The following AHCTF1 variants were observed in gnomAD, a reference collection of about 807,000 sequenced individuals.
AHCTF1 encodes the protein AT-hook containing transcription factor 1.
A neutral mutation model predicts 248.4 loss-of-function variants in AHCTF1; 24 were observed. The observed-to-expected ratio is 0.10, with a 90% CI of 0.07 to 0.14. AHCTF1 has a LOEUF of 0.14. AHCTF1 is among the 10% of genes least tolerant of loss of function. The pLI is 1.00. For synonymous variants in AHCTF1, 786 were observed against 929.8 expected (o/e 0.85, Z 2.81); for missense variants, 2,206 against 2,636.2 (o/e 0.84, Z 3.57).
At chr1:246,857,440 C>T (rs892925915) in intron 30 of AHCTF1, among the ~76,000 whole-genome samples, 1 of 152,172 alleles carries the variant, frequency 6.6e-6, no homozygotes, top group Admixed American at 6.5e-5. Flanking sequence ...AAATCTTGGT[C>T]TTCAACAAAA....
At chr1:246,888,047 G>T in intron 19 of AHCTF1, 130 bp downstream of exon 19, 1 of 956,058 alleles carries the variant, frequency 1.0e-6, no homozygotes, top group Non-Finnish European at 1.6e-6. Context: ...CAGATCCTGG[G>T]TTAACACCTC....
At chr1:246,862,817 C>T (rs924765751) in intron 27 of AHCTF1, among the ~76,000 whole-genome samples, 5 of 152,148 alleles carry the variant, frequency 3.3e-5, no homozygotes, top group Non-Finnish European at 7.4e-5. Context: ...TTTCGTCACA[C>T]GAATCCAATA....
rs759984160 is a variant in AHCTF1 at position 246,850,637 on chromosome 1, T to C, written c.5369A>G (p.Tyr1790Cys). ...CTGAGATAGTCCTCTGACATCAGAA[T>C]AGATGTTTTCAGAAGCTTCAGAAAT... Reference protein sequence around the residue: ...KEISEASENIYSDVRGLSQNQ... With the variant: ...KEISEASENICSDVRGLSQNQ... Residue 1790 changes from tyrosine (Y) to cysteine (C), a missense_variant, in exon 33 of 36, where the codon TAT (tyrosine) becomes TGT (cysteine). Around this residue, in one of 6 missense-constraint regions of AHCTF1, gnomAD observed 955 missense variants for 1,055.6 expected, o/e 0.90. Coordinates refer to ENST00000648844, the MANE Select transcript of AHCTF1 (RefSeq NM_001323342.2). The C allele has an allele frequency of 1.9e-6, 3 of 1,613,892 alleles. No homozygotes were observed. The highest frequency in any genetic ancestry group is 2.2e-5 in the East Asian group (1 of 44,886).
intron 8 of AHCTF1, among the ~76,000 whole-genome samples, chr1:246,901,259 T>A (rs909238344): frequency 9.2e-5 from 14 of 152,170 alleles, no homozygotes; most frequent in African/African-American, 2.9e-4. Context: ...GAGGATCGCT[T>A]GAACCTGGGA....
chr1:246,872,670 C>G (rs992307695), intron 24 of AHCTF1, among the ~76,000 whole-genome samples: 2 of 152,168 alleles, frequency 1.3e-5, no homozygotes, highest in Non-Finnish European at 2.9e-5. Flanking sequence ...CCAGGAAACT[C>G]AAAAACTGAC....
intron 27 of AHCTF1, 66 bp from the exon 28 acceptor site, chr1:246,862,219 G>A (rs1393755691): frequency 1.5e-5 from 19 of 1,262,414 alleles, no homozygotes; most frequent in African/African-American, 4.6e-5. Context: ...GGTGGCTCAC[G>A]CCTGTAATCC....
Position 246,868,813 on chromosome 1 carries a change from A to G in AHCTF1, c.3089-1002T>C, listed in dbSNP as rs144509730. On this transcript the variant is annotated intron_variant, in intron 24 of 35. Coordinates refer to ENST00000648844, the MANE Select transcript of AHCTF1 (RefSeq NM_001323342.2). ...AATGAGTACAGGTCTACCTCATTTT[A>G]TTGTGCTTTGCTTCATTGTGTGTGT... Among the ~76,000 whole-genome samples, 626 of 146,000 alleles carry G rather than the reference A, an allele frequency of 4.3e-3. 5 individuals carry two copies. Among genetic ancestry groups the G allele is most frequent in the Non-Finnish European group, 7.8e-3 (512 of 66,000 alleles).
At chr1:246,843,241 C>T (rs1392072969) in intron 34 of AHCTF1, among the ~76,000 whole-genome samples, 2 of 152,222 alleles carry the variant, frequency 1.3e-5, no homozygotes, top group Non-Finnish European at 1.5e-5. Flanking sequence ...GGAGGAATGC[C>T]TGTCTCCTCT....
rs918376855 is a variant in AHCTF1 at position 246,902,794 on chromosome 1, A to C, written c.967-119T>G. 3.1e-6 allele frequency: 3 copies of C among 964,360 alleles called. No homozygotes were observed. In the African/African-American group the frequency reaches 5.1e-5, roughly 16 times the overall value. The allele number at this position is 964,360 out of a possible 1,614,324, so 59.7% of individuals were successfully genotyped here. A position where few individuals can be genotyped will look rare whatever the true frequency, so the allele number is the denominator to read the frequency against. Reference sequence around the variant, plus strand: ...AATACAAAGAAAACAATTTAGACTGAAGAGAACCAATCATGGAAAAAGGCT... The same window carrying C: ...AATACAAAGAAAACAATTTAGACTGCAGAGAACCAATCATGGAAAAAGGCT... On this transcript the variant is annotated intron_variant, in intron 7 of 35. Transcript: ENST00000648844.
At chr1:246,931,270 G>C in intron 1 of AHCTF1, 5 of 1,548,698 alleles carry the variant, frequency 3.2e-6, no homozygotes, top group Middle Eastern at 1.7e-4. Flanking sequence ...CCGGCCGTCC[G>C]TAAAGGGACC....
intron 4 of AHCTF1, among the ~76,000 whole-genome samples, chr1:246,909,101 A>ATCTATCTG (rs1422151806): frequency 6.7e-6 from 1 of 150,010 alleles, no homozygotes; most frequent in Non-Finnish European, 1.5e-5. Context: ...CTATCTATCT[A>ATCTATCTG]TCTATCTATT....
At chr1:246,914,937 A>G (rs1038358494) in intron 3 of AHCTF1, among the ~76,000 whole-genome samples, 1 of 152,110 alleles carries the variant, frequency 6.6e-6, no homozygotes, top group South Asian at 2.1e-4. Context: ...GCTCCTCATC[A>G]TTATTTACCT....
chr1:246,843,980 A>AT (rs762826227), intron 33 of AHCTF1, 52 bp from the exon 34 acceptor site: 12 of 1,202,760 alleles, frequency 1.0e-5, no homozygotes, highest in Non-Finnish European at 1.3e-5. Flanking sequence ...GTGTGTATAT[A>AT]TATAAACACA....
chr1:246,885,779 A>T (rs1663774997), intron 20 of AHCTF1, 99 bp from the exon 21 acceptor site: 1 of 1,144,270 alleles, frequency 8.7e-7, no homozygotes, highest in South Asian at 1.7e-5. Flanking sequence ...TCCAGATAAG[A>T]CTCGTTTAAA....
In AHCTF1 at chr1:246,907,561, T is replaced by C. The variant is rs376933748; in HGVS notation, c.754A>G (p.Met252Val). ...AAAAGTTATACTTACTCTCTTTTCATGCTTTTCATGTTCCAAAGTGCTAGA... is the reference window on the plus strand; with the variant it reads ...AAAAGTTATACTTACTCTCTTTTCACGCTTTTCATGTTCCAAAGTGCTAGA... ...GYLALWNMKS[M>V]KREYYIQLES... Residue 252 changes from methionine (M) to valine (V), a missense_variant, in exon 5 of 36, where the codon ATG (methionine) becomes GTG (valine). This residue lies in a region of AHCTF1 where 650 missense variants were observed against 870.8 expected (regional missense o/e 0.75). Coordinates refer to ENST00000648844, the MANE Select transcript of AHCTF1 (RefSeq NM_001323342.2). 1.2e-6 allele frequency: 2 copies of C among 1,613,074 alleles called. No individual in the cohort carries two copies. Among genetic ancestry groups the C allele is most frequent in the African/African-American group, 1.3e-5 (1 of 74,918 alleles).
In AHCTF1 at chr1:246,850,041, T is replaced by G. The variant is rs971299021; in HGVS notation, c.5965A>C (p.Lys1989Gln). The change falls in exon 33 of 36, where the codon AAG becomes CAG. Residue 1989 changes from lysine to glutamine, a missense_variant. Around this residue, in one of 6 missense-constraint regions of AHCTF1, gnomAD observed 469 missense variants for 470.0 expected, o/e 1.00. Coordinates refer to ENST00000648844, the MANE Select transcript of AHCTF1 (RefSeq NM_001323342.2). ...GGGCTTCTCTCTTCCTTAACAGCCT[T>G]AGATCCTACATCTTCAGATGGATTG... is the stretch of plus-strand genomic sequence containing the variant. ...KINPSEDVGS[K>Q]AVKEERSPKK... 3 of 1,613,828 alleles carry G rather than the reference T, an allele frequency of 1.9e-6. No individual in the cohort carries two copies. Among genetic ancestry groups the G allele is most frequent in the African/African-American group, 2.7e-5 (2 of 74,910 alleles).
intron 33 of AHCTF1, among the ~76,000 whole-genome samples, chr1:246,845,359 G>A (rs1660178078): frequency 7.0e-6 from 1 of 142,640 alleles, no homozygotes; most frequent in African/African-American, 2.9e-5. Context: ...ATAAGCATAT[G>A]ATTCTTAAAA....
Position 246,887,262 on chromosome 1 carries a change from G to T in AHCTF1, c.2421C>A (p.Gly807=), listed in dbSNP as rs764048702. The change falls in exon 20 of 36, where the codon GGC becomes GGA. Residue 807 remains glycine (G), a synonymous_variant. Transcript: ENST00000648844. ...SFPTVFAISW[G]QVKLIQGFWL... ...AAAACCCCTGAATAAGTTTAACTTG[G>T]CCCCAAGAAATGGCAAATACAGTTG... 2 of 1,613,412 alleles carry T rather than the reference G, an allele frequency of 1.2e-6. No homozygotes were observed. Among genetic ancestry groups the T allele is most frequent in the South Asian group, 2.2e-5 (2 of 91,022 alleles).
chr1:246,926,684 C>T (rs1451601536), intron 1 of AHCTF1, among the ~76,000 whole-genome samples: 5 of 152,136 alleles, frequency 3.3e-5, no homozygotes, highest in Admixed American at 1.3e-4. Flanking sequence ...GGTGAAATCC[C>T]GTCTCTACTA....
Sources: allele counts gnomAD v4.1 joint callset (sites outside exome capture counted in the v4.1 genomes callset), GRCh38; gene constraint gnomAD v4.1.1; regional missense constraint gnomAD v4.1.1; transcripts MANE v1.5; gene names NCBI Gene and HGNC (gene_info 2026-07-23, HGNC 2026-07-21).